Variants in ACLY observed in about 807,000 individuals in gnomAD.
The protein encoded by ACLY is ATP-citrate synthase.
In ACLY, 41 loss-of-function variants were observed where a neutral mutation model predicts 133.0. The observed-to-expected ratio is 0.31, with a 90% confidence interval of 0.24 to 0.40. ACLY has a LOEUF of 0.40. ACLY is among the 10% of genes least tolerant of loss of function. ACLY has a pLI of 1.00. For missense variants in ACLY, 1,046 were observed against 1,453.8 expected (o/e 0.72, Z 4.56); for synonymous variants, 495 against 549.3 (o/e 0.90, Z 1.38).
In ACLY at chr17:41,869,067, A is replaced by G; in HGVS notation, c.3110T>C (p.Leu1037Pro). The stretch of plus-strand genomic sequence containing the variant: ...CCGAGTAAAGGACCCACAGTTTCTA[A>G]GCATGTCTACAAATGCGACTCCGAT... Reference protein sequence around the residue: ...GLIGVAFVDMLRNCGSFTREE... With the variant: ...GLIGVAFVDMPRNCGSFTREE... Residue 1037 changes from leucine (L) to proline (P), a missense_variant, in exon 27 of 29, where the codon CTT (leucine) becomes CCT (proline). Coordinates refer to ENST00000352035, the MANE Select transcript of ACLY (RefSeq NM_001096.3). The G allele has an allele frequency of 6.2e-7, 1 of 1,613,978 alleles. No individual in the cohort carries two copies.
Position 41,909,072 on chromosome 17 carries a change from G to A in ACLY, c.537-4C>T, listed in dbSNP as rs2049812858. ...GGAGATAAAACTGGCCAGAATTCTA[G>A]AGGTGGGAGGGAGAGAGGGACAGTT... On this transcript the variant is annotated splice_region_variant and splice_polypyrimidine_tract_variant and intron_variant, in intron 5 of 28. Coordinates refer to ENST00000352035, the MANE Select transcript of ACLY (RefSeq NM_001096.3). The A allele has an allele frequency of 1.2e-6, 2 of 1,609,776 alleles. No homozygotes were observed. Among genetic ancestry groups the A allele is most frequent in the South Asian group, 2.2e-5 (2 of 90,320 alleles).
Position 41,883,131 on chromosome 17 carries a change from G to C in ACLY, c.2256C>G (p.Phe752Leu), listed in dbSNP as rs782219578. The C allele has an allele frequency of 6.2e-7, 1 of 1,613,800 alleles. No individual in the cohort carries two copies. Among genetic ancestry groups the C allele is most frequent in the South Asian group, 1.1e-5 (1 of 91,070 alleles). The change falls in exon 20 of 29, where the codon TTC becomes TTG. Residue 752 changes from phenylalanine (F) to leucine (L), a missense_variant. By Grantham distance (22) the Phe-to-Leu change is conservative (BLOSUM62 0). Transcript: ENST00000352035. ...CWCIGTCATM[F>L]SSEVQFGHAG... ...CCCATCTCAGCCATACCTCAGAGGA[G>C]AACATGGTGGCACACGTCCCGATGC...
intron 20 of ACLY, among the ~76,000 whole-genome samples, chr17:41,881,100 G>T (rs2048904300): frequency 6.6e-6 from 1 of 151,730 alleles, no homozygotes; most frequent in South Asian, 2.1e-4. Context: ...ACAGAGTTGG[G>T]GGGAGAGCAA....
At chr17:41,889,154 A>C (rs782620948) in intron 16 of ACLY, among the ~76,000 whole-genome samples, 6 of 152,142 alleles carry the variant, frequency 3.9e-5, no homozygotes, top group Middle Eastern at 3.4e-3. Context: ...AACAAACAAA[A>C]AACAGCCCTA....
chr17:41,876,430 C>T (rs9906048), intron 22 of ACLY, among the ~76,000 whole-genome samples: 122,561 of 152,174 alleles, frequency 0.81, 49,551 homozygotes, highest in East Asian at 0.94. Context: ...CAGCTCATTG[C>T]GAGCGAGCCA....
Position 41,879,818 on chromosome 17 carries a change from G to A in ACLY, c.2266-894C>T, listed in dbSNP as rs749385349. On this transcript the variant is annotated intron_variant, in intron 20 of 28. Coordinates refer to ENST00000352035, the MANE Select transcript of ACLY (RefSeq NM_001096.3). ...ACTGCAGCCTCAACCTCCCAGGCTCGGGTGATTCTCCCACCTCCTCCCGTG... is the reference window on the plus strand; with the variant it reads ...ACTGCAGCCTCAACCTCCCAGGCTCAGGTGATTCTCCCACCTCCTCCCGTG... Among the ~76,000 whole-genome samples the A allele has an allele frequency of 9.9e-5, 15 of 150,972 alleles. 1 individual carries two copies. Among genetic ancestry groups the A allele is most frequent in the Admixed American group, 8.6e-4 (13 of 15,110 alleles).
At chr17:41,917,749 T>G (rs2050089054) in intron 1 of ACLY, among the ~76,000 whole-genome samples, 1 of 152,030 alleles carries the variant, frequency 6.6e-6, no homozygotes, top group African/African-American at 2.4e-5. Flanking sequence ...GCAGGCATAG[T>G]GTCAGAACGG....
intron 25 of ACLY, 120 bp from the exon 26 acceptor site, chr17:41,869,707 C>A: frequency 2.8e-6 from 2 of 727,122 alleles, no homozygotes; most frequent in East Asian, 5.2e-5. Flanking sequence ...GGAACCTGGC[C>A]CACGTGTACC....
At chr17:41,869,669 G>GA in intron 25 of ACLY, 82 bp from the exon 26 acceptor site, 1 of 1,199,206 alleles carries the variant, frequency 8.3e-7, no homozygotes, top group East Asian at 2.4e-5. Context: ...CAGGTAGGTA[G>GA]AACTGGACAT....
Position 41,913,769 on chromosome 17 carries a change from A to G in ACLY, c.105T>C (p.Thr35=). The G allele has an allele frequency of 6.2e-7, 1 of 1,614,248 alleles. No individual in the cohort carries two copies. The highest frequency in any genetic ancestry group is 1.1e-5 in the South Asian group (1 of 91,088). Residue 35 remains threonine (T), a synonymous_variant, in exon 2 of 29, where the codon ACT becomes ACC. Coordinates refer to ENST00000352035, the MANE Select transcript of ACLY (RefSeq NM_001096.3). The part of the protein sequence containing the change: ...IQNRFKYARV[T]PDTDWARLLQ... Reference sequence around the variant, plus strand: ...GCAAGCGGGCCCAGTCTGTGTCAGGAGTGACCCGAGCATACTTGAACCGAT... The same window carrying G: ...GCAAGCGGGCCCAGTCTGTGTCAGGGGTGACCCGAGCATACTTGAACCGAT...
intron 2 of ACLY, among the ~76,000 whole-genome samples, 185 bp downstream of exon 2, chr17:41,913,528 CTG>C (rs2049962743): frequency 6.6e-6 from 1 of 152,264 alleles, no homozygotes; most frequent in African/African-American, 2.4e-5. Flanking sequence ...GTATACCATG[CTG>C]GGGTACCTCA....
intron 11 of ACLY, among the ~76,000 whole-genome samples, chr17:41,899,881 A>T (rs2049478448): frequency 6.6e-6 from 1 of 151,790 alleles, no homozygotes; most frequent in South Asian, 2.1e-4. Flanking sequence ...TCGTCTACAA[A>T]AAAATTAGCC....
chr17:41,894,812 C>G (rs2049321020), intron 14 of ACLY, among the ~76,000 whole-genome samples: 1 of 152,168 alleles, frequency 6.6e-6, no homozygotes, highest in South Asian at 2.1e-4. Flanking sequence ...AAGCAGCCCT[C>G]AGGGAGGTTC....
intron 18 of ACLY, among the ~76,000 whole-genome samples, chr17:41,885,321 G>C (rs1363325151): frequency 6.6e-6 from 1 of 152,156 alleles, no homozygotes; most frequent in Non-Finnish European, 1.5e-5. Flanking sequence ...AAAGACCTTG[G>C]TGAGAGTTCT....
chr17:41,869,375 G>C lies in ACLY; in HGVS notation c.3051+99C>G. The C allele has an allele frequency of 3.9e-6, 4 of 1,025,720 alleles. No homozygotes were observed. In the South Asian group the frequency reaches 5.7e-5, roughly 15 times the overall value. 63.5% of individuals were successfully genotyped at this position (1,025,720 alleles called of 1,614,324 possible). A position where few individuals can be genotyped will look rare whatever the true frequency, so the allele number is the denominator to read the frequency against. Reference sequence around the variant, plus strand: ...CAAAAATAACATTTCTAGAAAACTAGGTTTGCTTTTAGCTGCATAATCAAA... The same window carrying C: ...CAAAAATAACATTTCTAGAAAACTACGTTTGCTTTTAGCTGCATAATCAAA... On this transcript the variant is annotated intron_variant, in intron 26 of 28. Transcript: ENST00000352035.
At chr17:41,893,417 G>A (rs1003041811) in intron 14 of ACLY, among the ~76,000 whole-genome samples, 2 of 152,204 alleles carry the variant, frequency 1.3e-5, no homozygotes, top group Admixed American at 6.5e-5. Context: ...CTGGTAAGTA[G>A]CTCTGCAAAG....
intron 7 of ACLY, among the ~76,000 whole-genome samples, chr17:41,907,054 C>A (rs1440708544): frequency 2.0e-5 from 3 of 152,214 alleles, no homozygotes; most frequent in Non-Finnish European, 2.9e-5. Context: ...GCCTGGGGTA[C>A]TTCCCAGAAA....
intron 20 of ACLY, among the ~76,000 whole-genome samples, chr17:41,880,028 C>T (rs181391594): frequency 5.1e-4 from 78 of 152,290 alleles, no homozygotes; most frequent in African/African-American, 1.7e-3. Context: ...GCGCGCCCAG[C>T]GTGACTGAGT....
At chr17:41,916,519 G>T (rs1454272228) in intron 1 of ACLY, among the ~76,000 whole-genome samples, 1 of 144,962 alleles carries the variant, frequency 6.9e-6, no homozygotes, top group Non-Finnish European at 1.5e-5. Flanking sequence ...GATTACAGAT[G>T]CACGCCACCA....
Sources: allele counts gnomAD v4.1 joint callset (sites outside exome capture counted in the v4.1 genomes callset), GRCh38; gene constraint gnomAD v4.1.1; transcripts MANE v1.5; gene names NCBI Gene and HGNC (gene_info 2026-07-23, HGNC 2026-07-21).